LRFN5: variants seen among roughly 807,000 people sequenced by gnomAD.
The protein encoded by LRFN5 is leucine rich repeat and fibronectin type III domain containing 5.
Under a neutral mutation model 45.6 loss-of-function variants are expected in LRFN5, and 24 were observed. The observed-to-expected ratio is 0.53, with a 90% CI of 0.38 to 0.74. The LOEUF is 0.74. Among genes scored for constraint, LRFN5 ranks in the 30% least tolerant of loss-of-function variants. The pLI, the probability that LRFN5 is intolerant of heterozygous loss-of-function variation, is 0.00. For synonymous variants in LRFN5, 340 were observed against 313.8 expected (o/e 1.08, Z -0.88); for missense variants, 776 against 861.5 (o/e 0.90, Z 1.24).
At chr14:41,899,568 A>C (rs1594508778) in intron 5 of LRFN5, among the ~76,000 whole-genome samples, 1 of 152,058 alleles carries the variant, frequency 6.6e-6, no homozygotes, top group African/African-American at 2.4e-5. Context: ...TGGATCAGAG[A>C]GTGTGTTTCC....
rs1890611657 is a variant in LRFN5, at chr14:41,887,379, A to C, written c.754A>C (p.Arg252=). 5 of 1,614,178 alleles carry C rather than the reference A, an allele frequency of 3.1e-6. No individual in the cohort carries two copies. The Admixed American group carries it at 6.7e-5, about 22-fold the overall frequency. Residue 252 remains arginine, a synonymous_variant, in exon 3 of 6, where the codon AGG becomes CGG. Coordinates refer to ENST00000298119, the MANE Select transcript of LRFN5 (RefSeq NM_152447.5). This position sits in a 1 kb window ranked among gnomAD's most constrained non-coding sequence, Gnocchi z 4.8. ...LHCNCELLWL[R]RLSREDDLET... The stretch of plus-strand genomic sequence containing the variant: ...TTGCAATTGTGAATTGTTGTGGTTG[A>C]GGCGTCTGTCCAGAGAAGATGACTT...
chr14:41,819,021 T>C (rs998568734), intron 2 of LRFN5, among the ~76,000 whole-genome samples: 5 of 152,170 alleles, frequency 3.3e-5, no homozygotes, highest in Admixed American at 2.0e-4. Context: ...TTATTTTACT[T>C]AAGATAATAG....
intron 2 of LRFN5, among the ~76,000 whole-genome samples, chr14:41,855,232 G>T (rs1237009846): frequency 6.6e-6 from 1 of 151,984 alleles, no homozygotes; most frequent in Non-Finnish European, 1.5e-5. Context: ...TATAATAGTG[G>T]GATATAACTC....
chr14:41,815,274 C>T (rs1218203988), intron 2 of LRFN5, among the ~76,000 whole-genome samples: 1 of 152,010 alleles, frequency 6.6e-6, no homozygotes, highest in East Asian at 1.9e-4. Context: ...GAGAATTTGC[C>T]CTTTATTATT....
At chr14:41,809,197 A>C (rs1887654771) in intron 2 of LRFN5, among the ~76,000 whole-genome samples, 1 of 152,094 alleles carries the variant, frequency 6.6e-6, no homozygotes, top group Non-Finnish European at 1.5e-5. Flanking sequence ...AATGCCCATT[A>C]GTAGGAAAGT....
chr14:41,647,337 A>G (rs1209241495), intron 1 of LRFN5, among the ~76,000 whole-genome samples: 1 of 152,226 alleles, frequency 6.6e-6, no homozygotes, highest in Non-Finnish European at 1.5e-5. Context: ...CAAATCAGTC[A>G]TCAAATGCCA....
In LRFN5 at chr14:41,781,598, AAGAAAGAAAGAAAGAAAG is replaced by A. The variant is rs1308194188; in HGVS notation, c.-21+14588_-21+14605del. On this transcript the variant is annotated intron_variant, in intron 2 of 5. Transcript: ENST00000298119. ...AAAGAAAGAAAGAAAGAAAGAAAGA[AAGAAAGAAAGAAAGAAAG>A]AGAAAGAAAGAAAGAAAGGAAAGAA... is the stretch of plus-strand genomic sequence containing the variant. Among the ~76,000 whole-genome samples the A allele has an allele frequency of 5.2e-3, 471 of 91,140 alleles. 12 individuals carry two copies. Among genetic ancestry groups the A allele is most frequent in the African/African-American group, 0.023 (449 of 19,288 alleles). The allele number at this position is 91,140 out of a possible 152,430, so 59.8% of individuals were successfully genotyped here.
At chr14:41,796,090 T>C (rs998069103) in intron 2 of LRFN5, among the ~76,000 whole-genome samples, 2 of 151,876 alleles carry the variant, frequency 1.3e-5, no homozygotes, top group Non-Finnish European at 2.9e-5. Flanking sequence ...TCAATAAAAG[T>C]TTTTTCAAAA....
At chr14:41,770,407 A>G (rs1189664873) in intron 2 of LRFN5, among the ~76,000 whole-genome samples, 1 of 152,150 alleles carries the variant, frequency 6.6e-6, no homozygotes, top group Non-Finnish European at 1.5e-5. Flanking sequence ...GTCTCATCTG[A>G]GACTCATCTC....
chr14:41,764,709 G>C (rs1484606369), intron 1 of LRFN5, among the ~76,000 whole-genome samples: 1 of 151,980 alleles, frequency 6.6e-6, no homozygotes, highest in East Asian at 1.9e-4. Flanking sequence ...AACATGATCA[G>C]AGCTGCACGG....
rs1205513634 is a variant in LRFN5, at chr14:41,689,824, G to A, written c.-196-77030G>A. 8.1e-5 allele frequency among the ~76,000 whole-genome samples: 12 copies of A among 148,652 alleles called. No homozygotes were observed. In the East Asian group the frequency reaches 2.2e-3, roughly 27 times the overall value. On this transcript the variant is annotated intron_variant, in intron 1 of 5. Transcript: ENST00000298119. ...GCAGGAGAATGGCGTGAACCCGGGA[G>A]GCGGAGCTTGCAGTGAGCCGAGATT... is the stretch of plus-strand genomic sequence containing the variant.
At chr14:41,782,349 C>G (rs754684712) in intron 2 of LRFN5, among the ~76,000 whole-genome samples, 20 of 151,860 alleles carry the variant, frequency 1.3e-4, no homozygotes, top group Non-Finnish European at 2.6e-4. Context: ...TTTTTCCTTT[C>G]TGTTACAATA....
intron 1 of LRFN5, among the ~76,000 whole-genome samples, chr14:41,718,016 T>C (rs1883560763): frequency 6.6e-6 from 1 of 152,158 alleles, no homozygotes; most frequent in Non-Finnish European, 1.5e-5. Flanking sequence ...CTATGGAGAC[T>C]TTTTGTCTCC....
At chr14:41,659,420 A>C (rs1219084208) in intron 1 of LRFN5, among the ~76,000 whole-genome samples, 2 of 152,096 alleles carry the variant, frequency 1.3e-5, no homozygotes, top group African/African-American at 4.8e-5. Context: ...CATGGTGTAT[A>C]TGTGCCACAT....
At chr14:41,679,718 T>C (rs1211929860) in intron 1 of LRFN5, among the ~76,000 whole-genome samples, 1 of 152,000 alleles carries the variant, frequency 6.6e-6, no homozygotes, top group African/African-American at 2.4e-5. Flanking sequence ...CACTTCTGTT[T>C]GAGAAAAAGG....
chr14:41,780,801 T>G (rs1206914018), intron 2 of LRFN5, among the ~76,000 whole-genome samples: 3 of 152,088 alleles, frequency 2.0e-5, no homozygotes. Flanking sequence ...TTTATATGAT[T>G]CCACCTTCTC....
chr14:41,734,232 G>C (rs1884309022), intron 1 of LRFN5, among the ~76,000 whole-genome samples: 2 of 139,532 alleles, frequency 1.4e-5, no homozygotes, highest in African/African-American at 5.1e-5. Context: ...GGCTGGTCTT[G>C]AACTCCTGAC....
chr14:41,888,475 T>C (rs1305541377), intron 3 of LRFN5, among the ~76,000 whole-genome samples: 3 of 152,114 alleles, frequency 2.0e-5, no homozygotes, highest in Admixed American at 2.0e-4. Flanking sequence ...CTTCGTCTTT[T>C]GAGGGTGAAT....
chr14:41,736,649 T>G (rs988256850), intron 1 of LRFN5, among the ~76,000 whole-genome samples: 14 of 152,032 alleles, frequency 9.2e-5, no homozygotes, highest in African/African-American at 3.4e-4. Context: ...AATAACACAA[T>G]AAAAAATGAT....
Sources: gnomAD v4.1 joint callset for allele counts (sites outside exome capture counted in the v4.1 genomes callset) on GRCh38, gnomAD v4.1.1 for gene constraint, Gnocchi (gnomAD v3.1) non-coding constraint, MANE v1.5 for transcripts, NCBI Gene and HGNC (gene_info 2026-07-23, HGNC 2026-07-21) for gene names.